The following KDM4C variants were observed in gnomAD, a reference collection of about 807,000 sequenced individuals.
The protein encoded by KDM4C is lysine-specific demethylase 4C.
KDM4C carries 81 observed loss-of-function variants against 129.3 expected under a neutral mutation model. That is an observed-to-expected ratio of 0.63 (90% CI 0.52 to 0.75). KDM4C has a LOEUF of 0.75. Ranked by LOEUF, KDM4C falls within the 30% of genes least tolerant of loss-of-function variation. KDM4C has a pLI of 0.00. For missense variants in KDM4C, 1,457 were observed against 1,304.0 expected (o/e 1.12, Z -1.81); for synonymous variants, 573 against 456.1 (o/e 1.26, Z -3.26).
At chr9:7,141,251 C>G (rs572722904) in intron 19 of KDM4C, among the ~76,000 whole-genome samples, 5 of 152,242 alleles carry the variant, frequency 3.3e-5, no homozygotes, top group African/African-American at 1.2e-4. Context: ...AGTAGAACCC[C>G]TTTCTCATCC....
chr9:6,996,896 A>G (rs1819857102), intron 12 of KDM4C, among the ~76,000 whole-genome samples: 3 of 152,346 alleles, frequency 2.0e-5, no homozygotes, highest in Middle Eastern at 3.4e-3. Context: ...GAGTGTCAAT[A>G]TGATGGAGTG....
chr9:7,099,756 C>T (rs1836862075), intron 17 of KDM4C, among the ~76,000 whole-genome samples: 1 of 152,182 alleles, frequency 6.6e-6, no homozygotes, highest in Non-Finnish European at 1.5e-5. Context: ...TTGTCATCAG[C>T]CTTGCCAGAA....
chr9:6,794,429 A>C (rs902552082), intron 2 of KDM4C, among the ~76,000 whole-genome samples: 1 of 152,184 alleles, frequency 6.6e-6, no homozygotes, highest in Non-Finnish European at 1.5e-5. Flanking sequence ...ATGGTAAGGC[A>C]TTTGGGATTT....
chr9:6,937,026 G>T (rs1410433111), intron 8 of KDM4C, among the ~76,000 whole-genome samples: 1 of 152,156 alleles, frequency 6.6e-6, no homozygotes, highest in Non-Finnish European at 1.5e-5. Flanking sequence ...ATTTTATTGT[G>T]TAGATTTTAT....
chr9:7,020,030 T>C (rs1380642782), intron 15 of KDM4C, among the ~76,000 whole-genome samples: 2 of 152,058 alleles, frequency 1.3e-5, no homozygotes, highest in Non-Finnish European at 2.9e-5. Context: ...GCTGGATCTT[T>C]ATCTGTGACT....
At chr9:6,981,303 A>G (rs147913795) in intron 9 of KDM4C, among the ~76,000 whole-genome samples, 185 bp downstream of exon 9, 2 of 152,352 alleles carry the variant, frequency 1.3e-5, no homozygotes, top group African/African-American at 4.8e-5. Flanking sequence ...GAAGAGATGT[A>G]TATTTATTTT....
chr9:6,777,520 A>G (rs1164590157), intron 1 of KDM4C, among the ~76,000 whole-genome samples: 1 of 152,208 alleles, frequency 6.6e-6, no homozygotes, highest in Non-Finnish European at 1.5e-5. Flanking sequence ...TAGTGAGTGT[A>G]GCTCTTTCAG....
intron 17 of KDM4C, among the ~76,000 whole-genome samples, chr9:7,073,568 C>G (rs1833503369): frequency 6.6e-6 from 1 of 152,126 alleles, no homozygotes; most frequent in Non-Finnish European, 1.5e-5. Context: ...CCAGTATTTT[C>G]CAAGAAAACG....
chr9:6,753,131 C>A (rs775428774), upstream of KDM4C, among the ~76,000 whole-genome samples: 13 of 152,208 alleles, frequency 8.5e-5, no homozygotes, highest in Non-Finnish European at 1.8e-4. Flanking sequence ...GACTCTGGCA[C>A]AAATCCTAAT....
At chr9:6,928,995 C>G (rs146675148) in intron 8 of KDM4C, among the ~76,000 whole-genome samples, 3 of 152,172 alleles carry the variant, frequency 2.0e-5, no homozygotes, top group Admixed American at 6.5e-5. Flanking sequence ...CCTTGCACCT[C>G]GTACCTGTGC....
chr9:6,745,435 C>CA (rs1388721090), intron 1 of KDM4C, among the ~76,000 whole-genome samples: 1 of 151,734 alleles, frequency 6.6e-6, no homozygotes, highest in Non-Finnish European at 1.5e-5. Flanking sequence ...CCTGTCTCTA[C>CA]AAAAAATAAA....
chr9:7,133,427 T>C (rs1336390478), intron 19 of KDM4C, among the ~76,000 whole-genome samples: 5 of 152,208 alleles, frequency 3.3e-5, no homozygotes, highest in Non-Finnish European at 5.9e-5. Context: ...CCTAGTTCCC[T>C]ACATTTATGC....
chr9:7,162,131 G>C (rs1430206235), intron 19 of KDM4C, among the ~76,000 whole-genome samples: 1 of 152,180 alleles, frequency 6.6e-6, no homozygotes, highest in Non-Finnish European at 1.5e-5. Context: ...GAGCTGTTAT[G>C]GATGAGAATC....
At chr9:6,932,883 T>C (rs1473343824) in intron 8 of KDM4C, among the ~76,000 whole-genome samples, 1 of 152,212 alleles carries the variant, frequency 6.6e-6, no homozygotes, top group African/African-American at 2.4e-5. Flanking sequence ...CCCCAAAATA[T>C]CAATCATGTA....
chr9:6,960,182 A>T (rs1409297507), intron 8 of KDM4C, among the ~76,000 whole-genome samples: 1 of 152,196 alleles, frequency 6.6e-6, no homozygotes, highest in Non-Finnish European at 1.5e-5. Context: ...GAACTGCTGC[A>T]GTCCTGATAT....
Position 6,741,390 on chromosome 9 carries a change from A to G in KDM4C, c.49+20393A>G, listed in dbSNP as rs558210436. Among the ~76,000 whole-genome samples, 20 of 152,150 alleles carry G rather than the reference A, an allele frequency of 1.3e-4. 1 individual carries two copies. The highest frequency in any genetic ancestry group is 4.6e-4 in the African/African-American group (19 of 41,532). On this transcript the variant is annotated intron_variant, in intron 1 of 17. Coordinates refer to the KDM4C transcript ENST00000536108. ...AGCCTGGGCAACAGAGCGAGACTCT[A>G]TCTCAAAAAACAAAAAACAAAAACA... is the stretch of plus-strand genomic sequence containing the variant.
chr9:6,791,491 C>T (rs746145206), intron 1 of KDM4C, among the ~76,000 whole-genome samples: 2 of 152,178 alleles, frequency 1.3e-5, no homozygotes, highest in African/African-American at 2.4e-5. Flanking sequence ...CTGTCTCCAT[C>T]GTCATTCTTT....
intron 7 of KDM4C, among the ~76,000 whole-genome samples, chr9:6,891,881 G>C (rs1269351953): frequency 6.6e-6 from 1 of 152,030 alleles, no homozygotes; most frequent in East Asian, 1.9e-4. Context: ...ATAGGGGCAT[G>C]GGATATACAG....
intron 1 of KDM4C, among the ~76,000 whole-genome samples, chr9:6,760,017 C>T (rs1359076345): frequency 6.6e-6 from 1 of 150,840 alleles, no homozygotes; most frequent in African/African-American, 2.4e-5. Context: ...AATGAATAGT[C>T]TTGTGCAACC....
Sources: allele counts gnomAD v4.1 joint callset (sites outside exome capture counted in the v4.1 genomes callset), GRCh38; gene constraint gnomAD v4.1.1; transcripts MANE v1.5; gene names NCBI Gene and HGNC (gene_info 2026-07-23, HGNC 2026-07-21).